The following CTNNA2 variants were observed in gnomAD, a reference collection of about 807,000 sequenced individuals.
CTNNA2 encodes the protein catenin alpha 2, also known as catenin alpha-2.
Under a neutral mutation model 101.0 loss-of-function variants are expected in CTNNA2, and 42 were observed. That is an observed-to-expected ratio of 0.42 (90% CI 0.32 to 0.54). The LOEUF (loss-of-function observed/expected upper bound fraction) is 0.54. CTNNA2 is among the 20% of genes least tolerant of loss of function. CTNNA2 has a pLI of 0.14. For missense variants in CTNNA2, 871 were observed against 1,223.1 expected, an observed-to-expected ratio of 0.71 and a Z score of 4.29; for synonymous variants, 450 against 456.4, an observed-to-expected ratio of 0.99 and a Z score of 0.18.
chr2:80,256,146 A>G (rs1311763768), intron 7 of CTNNA2, among the ~76,000 whole-genome samples: 1 of 152,142 alleles, frequency 6.6e-6, no homozygotes, highest in East Asian at 1.9e-4. Flanking sequence ...TCCTTTGTCA[A>G]AGGAGGGAAT....
chr2:80,522,774 T>TC (rs1308452324), intron 9 of CTNNA2, among the ~76,000 whole-genome samples: 1 of 152,076 alleles, frequency 6.6e-6, no homozygotes, highest in Non-Finnish European at 1.5e-5. Context: ...CCCTGAGGTC[T>TC]CCCCAGAAGC....
chr2:80,045,705 T>C (rs576737212), intron 7 of CTNNA2, among the ~76,000 whole-genome samples: 5 of 152,152 alleles, frequency 3.3e-5, no homozygotes, highest in Non-Finnish European at 7.3e-5. Flanking sequence ...TCATGCTTTA[T>C]AATAGCAGCA....
chr2:80,419,162 G>A (rs750816553), intron 8 of CTNNA2, among the ~76,000 whole-genome samples: 2 of 152,088 alleles, frequency 1.3e-5, no homozygotes, highest in Admixed American at 6.5e-5. Flanking sequence ...CAGAAGGTTC[G>A]GGTCAATGAA....
chr2:79,421,950 T>G (rs544329636), intron 4 of CTNNA2, among the ~76,000 whole-genome samples: 117 of 152,160 alleles, frequency 7.7e-4, no homozygotes, highest in African/African-American at 2.8e-3. Context: ...CAATGAAGCT[T>G]GAGACCAGCC....
intron 2 of CTNNA2, among the ~76,000 whole-genome samples, chr2:79,706,939 A>G (rs1381226248): frequency 2.6e-5 from 4 of 152,200 alleles, no homozygotes; most frequent in African/African-American, 9.6e-5. Context: ...CTGCCACAGA[A>G]TCCTGACTAC....
At chr2:79,740,135 A>T (rs987698974) in intron 2 of CTNNA2, among the ~76,000 whole-genome samples, 12 of 152,212 alleles carry the variant, frequency 7.9e-5, no homozygotes, top group African/African-American at 2.9e-4. Context: ...AATGCTTATT[A>T]ATTATTTTTC....
In CTNNA2 at chr2:79,534,598, TATAG is replaced by T. The variant is rs561316730; in HGVS notation, c.-6+21395_-6+21398del. Among the ~76,000 whole-genome samples the T allele has an allele frequency of 1.5e-3, 233 of 152,218 alleles. 2 individuals are homozygous for T. Among genetic ancestry groups the T allele is most frequent in the African/African-American group, 5.1e-3 (214 of 41,580 alleles). Reference sequence around the variant, plus strand: ...ACGTTAGTTTATTATAAAAAAGATTTATAGATAATTTTTGCTACTCTTAACCCAT... The same window carrying T: ...ACGTTAGTTTATTATAAAAAAGATTTATAATTTTTGCTACTCTTAACCCAT... On this transcript the variant is annotated intron_variant, in intron 1 of 18. Transcript: ENST00000402739.
chr2:79,453,638 A>G (rs1670780582), intron 4 of CTNNA2, among the ~76,000 whole-genome samples: 1 of 152,206 alleles, frequency 6.6e-6, no homozygotes, highest in Admixed American at 6.5e-5. Context: ...GCCAGCCAGT[A>G]CTTTGCAGGA....
chr2:79,336,725 G>A (rs1345314633), intron 3 of CTNNA2, among the ~76,000 whole-genome samples: 3 of 152,162 alleles, frequency 2.0e-5, no homozygotes, highest in African/African-American at 7.2e-5. Flanking sequence ...TGGAATCCAG[G>A]ACACTGGCAT....
At chr2:80,289,445 T>G (rs2149175331) in intron 7 of CTNNA2, among the ~76,000 whole-genome samples, 1 of 152,320 alleles carries the variant, frequency 6.6e-6, no homozygotes, top group South Asian at 2.1e-4. Context: ...TGATTTAGTG[T>G]TCTCATTAAA....
chr2:80,608,335 C>T lies in CTNNA2; in HGVS notation c.2430+17C>T, dbSNP rs1428649967. 1.2e-6 allele frequency: 2 copies of T among 1,601,896 alleles called. No individual in the cohort carries two copies. Among genetic ancestry groups the T allele is most frequent in the Non-Finnish European group, 8.5e-7 (1 of 1,171,380 alleles). On this transcript the variant is annotated intron_variant, in intron 17 of 18. Coordinates refer to ENST00000402739, the MANE Select transcript of CTNNA2 (RefSeq NM_001282597.3). ...GTGTCAGGGGTAAGCTGGACTTGGGCTTCACAATGTAAAGTTCCCACCGTT... is the reference window on the plus strand; with the variant it reads ...GTGTCAGGGGTAAGCTGGACTTGGGTTTCACAATGTAAAGTTCCCACCGTT...
chr2:80,429,165 A>G (rs1681257592), intron 9 of CTNNA2, among the ~76,000 whole-genome samples: 1 of 152,158 alleles, frequency 6.6e-6, no homozygotes, highest in Non-Finnish European at 1.5e-5. Context: ...CATATTTTGT[A>G]AGGTTTTCTA....
At chr2:80,280,091 T>TTTTCCTTTTG (rs1297011295) in intron 7 of CTNNA2, among the ~76,000 whole-genome samples, 2 of 151,702 alleles carry the variant, frequency 1.3e-5, no homozygotes, top group Admixed American at 1.3e-4. Flanking sequence ...GTAATATTTG[T>TTTTCCTTTTG]TTTCCTTTTG....
At chr2:79,694,887 T>C (rs1392382892) in intron 2 of CTNNA2, among the ~76,000 whole-genome samples, 2 of 151,950 alleles carry the variant, frequency 1.3e-5, no homozygotes, top group Non-Finnish European at 2.9e-5. Context: ...TGCTCAGTTG[T>C]GAATTCTTCG....
intron 4 of CTNNA2, chr2:79,866,484 T>C (rs1682109151): frequency 6.6e-6 from 1 of 152,164 alleles, no homozygotes; most frequent in African/African-American, 2.4e-5. Context: ...TTATGTCAGC[T>C]CATTAGAAAT....
At position 79,536,455 on chromosome 2, in the gene CTNNA2, A is replaced by G. The variant is rs958118365; in HGVS notation, c.-6+23248A>G. ...CAGAGATTCAGATACTCCAGATACC[A>G]GTAGTACAATCTTAAAATTGCGAAA... On this transcript the variant is annotated intron_variant, in intron 1 of 18. Transcript: ENST00000402739. Among the ~76,000 whole-genome samples, 5 of 152,308 alleles carry G rather than the reference A, an allele frequency of 3.3e-5. No individual in the cohort carries two copies. In the East Asian group the frequency reaches 9.7e-4, roughly 29 times the overall value.
At position 80,303,211 on chromosome 2, in the gene CTNNA2, G is replaced by A. The variant is rs1676535898; in HGVS notation, c.1057-90000G>A. 1.2e-6 allele frequency: 2 copies of A among 1,613,904 alleles called. No homozygotes were observed. The highest frequency in any genetic ancestry group is 1.1e-5 in the South Asian group (1 of 91,076). On this transcript the variant is annotated intron_variant, in intron 7 of 18. Coordinates refer to ENST00000402739, the MANE Select transcript of CTNNA2 (RefSeq NM_001282597.3). The surrounding 1 kb of genome is among the most constrained non-coding windows in gnomAD (Gnocchi z 7.7). ...TGAGCTTAAACAAGCCGGCGAAAGAGTTGCGCGCCAGACTCTTGAGCTGAT... is the reference window on the plus strand; with the variant it reads ...TGAGCTTAAACAAGCCGGCGAAAGAATTGCGCGCCAGACTCTTGAGCTGAT...
chr2:80,095,122 A>G (rs1314815993), intron 7 of CTNNA2, among the ~76,000 whole-genome samples: 4 of 152,218 alleles, frequency 2.6e-5, no homozygotes, highest in Non-Finnish European at 5.9e-5. Flanking sequence ...TCCATTCAGT[A>G]TGATATTGGC....
intron 7 of CTNNA2, among the ~76,000 whole-genome samples, chr2:80,291,595 G>T (rs1675246328): frequency 6.6e-6 from 1 of 152,222 alleles, no homozygotes; most frequent in Non-Finnish European, 1.5e-5. Context: ...TTCAGCTGAA[G>T]ATGTATGCTT....
Sources: gnomAD v4.1 joint callset for allele counts (sites outside exome capture counted in the v4.1 genomes callset) on GRCh38, gnomAD v4.1.1 for gene constraint, Gnocchi (gnomAD v3.1) non-coding constraint, MANE v1.5 for transcripts, NCBI Gene and HGNC (gene_info 2026-07-23, HGNC 2026-07-21) for gene names.